Variants in TMEM164 observed in about 807,000 individuals in gnomAD.
TMEM164 encodes the protein transmembrane protein 164.
In TMEM164, 4 loss-of-function variants were observed where a neutral mutation model predicts 18.8. The ratio of observed to expected loss-of-function variants is 0.21; its 90% CI spans 0.10 to 0.49. TMEM164 has a LOEUF of 0.49. TMEM164 is among the 20% of genes least tolerant of loss of function. The pLI, the probability that TMEM164 is intolerant of heterozygous loss-of-function variation, is 0.98. For synonymous variants in TMEM164, 86 were observed against 101.7 expected (o/e 0.85, Z 0.93); for missense variants, 108 against 239.9 (o/e 0.45, Z 3.63).
intron 2 of TMEM164, among the ~76,000 whole-genome samples, chrX:110,056,925 G>T (rs1030560110): frequency 1.1e-5 from 1 of 94,604 alleles, no homozygotes; most frequent in Admixed American, 1.2e-4. Context: ...TATATTTAAG[G>T]TTTTCAACTT....
intron 2 of TMEM164, among the ~76,000 whole-genome samples, chrX:110,007,565 A>G (rs1184333352): frequency 3.6e-5 from 4 of 112,373 alleles, no homozygotes; most frequent in Non-Finnish European, 7.5e-5. Context: ...CTGTTTACCA[A>G]AAATCACCCA....
intron 5 of TMEM164, among the ~76,000 whole-genome samples, chrX:110,156,823 G>A (rs1484433036): frequency 2.7e-5 from 3 of 110,831 alleles, no homozygotes; most frequent in Admixed American, 9.6e-5. Flanking sequence ...CATTCATGAG[G>A]GATCCACCCT....
intron 3 of TMEM164, 126 bp downstream of exon 3, chrX:110,067,522 G>A: frequency 1.6e-6 from 1 of 621,629 alleles, no homozygotes; most frequent in Non-Finnish European, 2.6e-6. Flanking sequence ...ACTTCCCAAA[G>A]GGATGAAGGT....
chrX:110,094,189 G>A (rs1173573950), intron 3 of TMEM164, among the ~76,000 whole-genome samples: 1 of 112,243 alleles, frequency 8.9e-6, no homozygotes, highest in Admixed American at 9.5e-5. Flanking sequence ...GAGTTCTGTA[G>A]ATGTCTATTA....
chrX:110,090,087 G>A (rs1331704633), intron 3 of TMEM164, among the ~76,000 whole-genome samples: 1 of 110,171 alleles, frequency 9.1e-6, no homozygotes, highest in African/African-American at 3.3e-5. Context: ...GTACCTTCCA[G>A]ATAGGGGCAT....
Position 110,084,379 on chromosome X carries a change from T to TATAGTATATATATATA in TMEM164, c.440+16983_440+16984insATAGTATATATATATA, listed in dbSNP as rs1228632082. On this transcript the variant is annotated intron_variant, in intron 3 of 6. Transcript: ENST00000372068. ...TATATATAGTATAGTATATATATAG[T>TATAGTATATATATATA]GTATATATATATAGTATAGTATATA... Among the ~76,000 whole-genome samples the TATAGTATATATATATA allele has an allele frequency of 2.1e-3, 75 of 35,627 alleles. 5 individuals carry two copies. The highest frequency in any genetic ancestry group is 7.8e-3 in the South Asian group (4 of 513). The allele number at this position is 35,627 out of a possible 115,157, so 30.9% of individuals were successfully genotyped here. A position where few individuals can be genotyped will look rare whatever the true frequency, so the allele number is the denominator to read the frequency against.
chrX:110,047,321 T>C (rs903461166), intron 2 of TMEM164, among the ~76,000 whole-genome samples: 2 of 112,310 alleles, frequency 1.8e-5, no homozygotes, highest in Admixed American at 1.9e-4. Context: ...CAAACATTTG[T>C]TGAATTAATG....
chrX:110,150,823 A>G (rs968616456), intron 5 of TMEM164, among the ~76,000 whole-genome samples: 4 of 109,369 alleles, frequency 3.7e-5, no homozygotes, highest in Non-Finnish European at 7.6e-5. Flanking sequence ...TTTTTTTTTT[A>G]TAGTGGCATA....
Position 110,176,220 on chromosome X carries a change from G to A in TMEM164, c.*2769G>A, listed in dbSNP as rs1267989846. 1 of 755,111 alleles carries A rather than the reference G, an allele frequency of 1.3e-6. No individual in the cohort carries two copies. The highest frequency in any genetic ancestry group is 8.7e-5 in the Admixed American group (1 of 11,517). 62.2% of individuals were successfully genotyped at this position (755,111 alleles called of 1,213,427 possible). A position where few individuals can be genotyped will look rare whatever the true frequency, so the allele number is the denominator to read the frequency against. On this transcript the variant is annotated 3_prime_UTR_variant, in exon 7 of 7. Transcript: ENST00000372068. Reference sequence around the variant, plus strand: ...CTAGGTAGCCTTGGCCAGGGATGTGGGCCAAGAACAGTCTGTGGAGCTGGC... The same window carrying A: ...CTAGGTAGCCTTGGCCAGGGATGTGAGCCAAGAACAGTCTGTGGAGCTGGC...
chrX:110,141,376 A>G lies in TMEM164; in HGVS notation c.508-3422A>G, dbSNP rs189674689. On this transcript the variant is annotated intron_variant, in intron 4 of 6. Coordinates refer to ENST00000372068, the MANE Select transcript of TMEM164 (RefSeq NM_032227.4). ...GTTTTCATGCTGCTGATAAAGACAT[A>G]CACAAGACTGGGTAACTTATAAAGA... Among the ~76,000 whole-genome samples the G allele has an allele frequency of 3.3e-3, 374 of 112,105 alleles. 2 individuals are homozygous for G. In the South Asian group the frequency reaches 0.041, roughly 12 times the overall value.
In TMEM164 at chrX:110,174,148, C is replaced by A. The variant is rs1451916444; in HGVS notation, c.*697C>A. The stretch of plus-strand genomic sequence containing the variant: ...TGGAGATCTATTGCAATGACAAATC[C>A]AAAGTGAAGAGGGTCAAGATATATA... On this transcript the variant is annotated 3_prime_UTR_variant, in exon 7 of 7. Transcript: ENST00000372068. 1 of 111,840 alleles carries A rather than the reference C, an allele frequency of 8.9e-6. No individual in the cohort carries two copies. The highest frequency in any genetic ancestry group is 3.3e-5 in the African/African-American group (1 of 30,547). The allele number at this position is 111,840 out of a possible 1,213,427, so 9.2% of individuals were successfully genotyped here.
At chrX:110,023,412 C>T (rs776612680) in intron 2 of TMEM164, among the ~76,000 whole-genome samples, 1 of 110,468 alleles carries the variant, frequency 9.1e-6, no homozygotes, top group Non-Finnish European at 1.9e-5. Context: ...GGAGTGGGGC[C>T]AGTTCCTAGT....
At chrX:110,169,764 G>A (rs897687650) in intron 5 of TMEM164, among the ~76,000 whole-genome samples, 1 of 112,084 alleles carries the variant, frequency 8.9e-6, no homozygotes, top group South Asian at 3.7e-4. Flanking sequence ...TCTTGCAAAA[G>A]TGAAAAGAAC....
At chrX:110,046,133 T>TA (rs1935307662) in intron 2 of TMEM164, 1 of 752,874 alleles carries the variant, frequency 1.3e-6, no homozygotes, top group Admixed American at 8.7e-5. Flanking sequence ...TTCTAGGTAT[T>TA]ACGGGGAACA....
At chrX:110,032,415 T>C (rs1281240740) in intron 2 of TMEM164, among the ~76,000 whole-genome samples, 4 of 111,763 alleles carry the variant, frequency 3.6e-5, no homozygotes, top group African/African-American at 1.3e-4. Flanking sequence ...ACTGACACAA[T>C]GGTATCCTGT....
intron 3 of TMEM164, 41 bp downstream of exon 3, chrX:110,067,437 A>G (rs375909412): frequency 8.7e-7 from 1 of 1,151,134 alleles, no homozygotes; most frequent in African/African-American, 1.8e-5. Context: ...TCTTCAGAGT[A>G]TTTTTGTCTG....
intron 2 of TMEM164, among the ~76,000 whole-genome samples, chrX:110,041,003 A>G (rs1301331814): frequency 8.9e-6 from 1 of 112,031 alleles, no homozygotes; most frequent in Non-Finnish European, 1.9e-5. Context: ...TAAGTAACAA[A>G]CACAACTCTA....
At chrX:110,098,670 T>G (rs1414246175) in intron 3 of TMEM164, among the ~76,000 whole-genome samples, 6 of 111,752 alleles carry the variant, frequency 5.4e-5, no homozygotes, top group Non-Finnish European at 1.1e-4. Flanking sequence ...TATTATCGTT[T>G]TAGTTTGCAT....
chrX:110,163,300 G>A (rs949970786), intron 5 of TMEM164, among the ~76,000 whole-genome samples: 4 of 112,133 alleles, frequency 3.6e-5, no homozygotes, highest in South Asian at 3.8e-4. Context: ...TCCAGTAGTC[G>A]CATTAAAAGC....
Sources: gnomAD v4.1 joint callset for allele counts (sites outside exome capture counted in the v4.1 genomes callset) on GRCh38, gnomAD v4.1.1 for gene constraint, MANE v1.5 for transcripts, NCBI Gene and HGNC (gene_info 2026-07-23, HGNC 2026-07-21) for gene names.